ABL1: variants seen among roughly 807,000 people sequenced by gnomAD.
ABL1 encodes ABL proto-oncogene 1, non-receptor tyrosine kinase.
ABL1 carries 11 observed loss-of-function variants against 94.7 expected under a neutral mutation model. The observed-to-expected ratio is 0.12, with a 90% CI of 0.07 to 0.19. ABL1 has a LOEUF of 0.19. Among genes scored for constraint, ABL1 ranks in the 10% least tolerant of loss-of-function variants. ABL1 has a pLI of 1.00. For missense variants in ABL1, 1,082 were observed against 1,489.4 expected, an observed-to-expected ratio of 0.73 and a Z score of 4.50; for synonymous variants, 656 against 622.4, an observed-to-expected ratio of 1.05 and a Z score of -0.80.
intron 1 of ABL1, among the ~76,000 whole-genome samples, chr9:130,796,505 A>T (rs1270594296): frequency 2.0e-5 from 3 of 152,170 alleles, no homozygotes; most frequent in African/African-American, 7.2e-5. Context: ...AGGAAGGAGA[A>T]ACAGTGATTC....
chr9:130,762,014 G>C (rs948656242), intron 1 of ABL1, among the ~76,000 whole-genome samples: 15 of 151,960 alleles, frequency 9.9e-5, no homozygotes, highest in South Asian at 2.1e-4. Context: ...TTGCTGGCGC[G>C]TGCCTGTAAT....
intron 1 of ABL1, among the ~76,000 whole-genome samples, chr9:130,820,945 T>C (rs1331736390): frequency 2.0e-5 from 3 of 152,160 alleles, no homozygotes; most frequent in Admixed American, 2.0e-4. Context: ...TTATTTTTTT[T>C]TCGAGACAGA....
At position 130,880,188 on chromosome 9, in the gene ABL1, G is replaced by A. The variant is rs1250665090; in HGVS notation, c.1513+31G>A. On this transcript the variant is annotated intron_variant, in intron 9 of 10. Coordinates refer to ENST00000318560, the MANE Select transcript of ABL1 (RefSeq NM_005157.6). This position sits in a 1 kb window ranked among gnomAD's most constrained non-coding sequence, Gnocchi z 4.4. ...GTACCCATCCCGGGGTACCTGCAGTGGGGTGAAAGGGCAGCCATGTGGGAC... is the reference window on the plus strand; with the variant it reads ...GTACCCATCCCGGGGTACCTGCAGTAGGGTGAAAGGGCAGCCATGTGGGAC... 1.2e-6 allele frequency: 2 copies of A among 1,601,378 alleles called. No individual in the cohort carries two copies. The highest frequency in any genetic ancestry group is 1.7e-6 in the Non-Finnish European group (2 of 1,168,786).
At chr9:130,861,725 T>C (rs1339852968) in intron 3 of ABL1, among the ~76,000 whole-genome samples, 2 of 152,242 alleles carry the variant, frequency 1.3e-5, no homozygotes, top group African/African-American at 4.8e-5. Context: ...ATTTTAAGTC[T>C]TCTTTCCACC....
At chr9:130,812,035 G>GC (rs1053320135) in intron 1 of ABL1, among the ~76,000 whole-genome samples, 1 of 150,436 alleles carries the variant, frequency 6.6e-6, no homozygotes, top group African/African-American at 2.4e-5. Context: ...GAAACAAAGA[G>GC]CAAGATGGTA....
intron 1 of ABL1, among the ~76,000 whole-genome samples, chr9:130,774,400 G>C (rs1832288138): frequency 6.6e-6 from 1 of 152,170 alleles, no homozygotes; most frequent in Non-Finnish European, 1.5e-5. Context: ...GGGAACTGGA[G>C]ACATAATCTT....
intron 1 of ABL1, among the ~76,000 whole-genome samples, chr9:130,768,407 C>T (rs191978385): frequency 1.3e-5 from 2 of 152,300 alleles, no homozygotes; most frequent in African/African-American, 2.4e-5. Context: ...GAGCCAGTGA[C>T]GACTAGCTGT....
chr9:130,757,170 T>C (rs947285486), intron 1 of ABL1, among the ~76,000 whole-genome samples: 2 of 152,138 alleles, frequency 1.3e-5, no homozygotes. Context: ...TAAGATAGGC[T>C]CTAAGATCAG....
rs747942583 is a variant in ABL1 at position 130,884,183 on chromosome 9, A to G, written c.1893A>G (p.Arg631=). The G allele has an allele frequency of 6.2e-7, 1 of 1,612,696 alleles. No individual in the cohort carries two copies. The change falls in exon 11 of 11, where the codon AGA becomes AGG. Residue 631 remains arginine (R), a synonymous_variant. Coordinates refer to ENST00000318560, the MANE Select transcript of ABL1 (RefSeq NM_005157.6). The surrounding 1 kb of genome is among the most constrained non-coding windows in gnomAD (Gnocchi z 5.6). ...AGATGGACGGCCAGCCGGAGCGCAG[A>G]GGGGCCGGCGAGGAAGAGGGCCGAG... ...FREMDGQPER[R]GAGEEEGRDI... is the part of the protein sequence containing the mutation.
chr9:130,853,658 A>G (rs934285070), intron 1 of ABL1, among the ~76,000 whole-genome samples: 18 of 151,048 alleles, frequency 1.2e-4, no homozygotes, highest in African/African-American at 3.7e-4. Flanking sequence ...CAGGTGATCC[A>G]CCCACCTTGG....
rs537185163 is a variant in ABL1 at position 130,720,268 on chromosome 9, A to G, written c.136+5813A>G. 5.3e-5 allele frequency among the ~76,000 whole-genome samples: 8 copies of G among 152,366 alleles called. No individual in the cohort carries two copies. The East Asian group carries it at 1.5e-3, about 29-fold the overall frequency. ...TTAGTGATATGTGCTGAGGAGAAGA[A>G]TAACATAGAGAAGGGGACAGGGAAT... On this transcript the variant is annotated intron_variant, in intron 1 of 10. Coordinates refer to the ABL1 transcript ENST00000372348.
At chr9:130,877,536 G>T (rs527335320) in intron 7 of ABL1, among the ~76,000 whole-genome samples, 9 of 147,582 alleles carry the variant, frequency 6.1e-5, no homozygotes, top group Non-Finnish European at 1.2e-4. Flanking sequence ...CAGCAAGATG[G>T]TCACATTACC....
At chr9:130,809,816 T>A (rs1226988599) in intron 1 of ABL1, among the ~76,000 whole-genome samples, 1 of 152,232 alleles carries the variant, frequency 6.6e-6, no homozygotes, top group African/African-American at 2.4e-5. Flanking sequence ...TGAGCACGTA[T>A]GGCCCAGTCA....
chr9:130,804,024 G>A (rs1347249678), intron 1 of ABL1, among the ~76,000 whole-genome samples: 4 of 151,232 alleles, frequency 2.6e-5, no homozygotes, highest in Non-Finnish European at 1.5e-5. Flanking sequence ...TCATGCCACT[G>A]TTCTTCAGCC....
intron 1 of ABL1, among the ~76,000 whole-genome samples, chr9:130,742,384 C>T (rs1413633912): frequency 1.3e-5 from 2 of 152,102 alleles, no homozygotes; most frequent in Non-Finnish European, 2.9e-5. Flanking sequence ...AGACCCATTT[C>T]AACAAAAGCA....
At chr9:130,865,096 T>G (rs1182797254) in intron 4 of ABL1, among the ~76,000 whole-genome samples, 1 of 152,194 alleles carries the variant, frequency 6.6e-6, no homozygotes, top group African/African-American at 2.4e-5. Flanking sequence ...CTTATATCAC[T>G]GAATCTAAAG....
chr9:130,834,747 C>T (rs1484640841), upstream of ABL1: 1 of 410,836 alleles, frequency 2.4e-6, no homozygotes, highest in Non-Finnish European at 5.0e-6. Flanking sequence ...TGTGGTTGTC[C>T]TGTGGGTGCC....
intron 1 of ABL1, among the ~76,000 whole-genome samples, chr9:130,843,773 A>G (rs560843767): frequency 6.6e-6 from 1 of 152,214 alleles, no homozygotes; most frequent in Admixed American, 6.5e-5. Context: ...GTCACAGTGC[A>G]GTCAGGAGAG....
At chr9:130,861,181 A>G (rs1021360636) in intron 3 of ABL1, among the ~76,000 whole-genome samples, 1 of 152,242 alleles carries the variant, frequency 6.6e-6, no homozygotes, top group Non-Finnish European at 1.5e-5. Context: ...CCCAGGCCAC[A>G]GTCCTTACAC....
Sources: gnomAD v4.1 joint callset for allele counts (sites outside exome capture counted in the v4.1 genomes callset) on GRCh38, gnomAD v4.1.1 for gene constraint, Gnocchi (gnomAD v3.1) non-coding constraint, MANE v1.5 for transcripts, NCBI Gene and HGNC (gene_info 2026-07-23, HGNC 2026-07-21) for gene names.